Variants in GIGYF2 observed in about 807,000 individuals in gnomAD.
GIGYF2 encodes the protein GRB10 interacting GYF protein 2, also known as GRB10-interacting GYF protein 2.
In GIGYF2, 25 loss-of-function variants were observed where a neutral mutation model predicts 208.1. That is an observed-to-expected ratio of 0.12 (90% CI 0.09 to 0.17). GIGYF2 has a LOEUF of 0.17. Ranked by LOEUF, GIGYF2 falls within the 10% of genes least tolerant of loss-of-function variation. GIGYF2 has a pLI of 1.00. For missense variants in GIGYF2, 1,302 were observed against 1,579.4 expected (o/e 0.82, Z 2.98); for synonymous variants, 534 against 543.8 (o/e 0.98, Z 0.25).
chr2:232,832,496 A>G (rs1701451613), intron 21 of GIGYF2, among the ~76,000 whole-genome samples: 1 of 152,164 alleles, frequency 6.6e-6, no homozygotes, highest in Non-Finnish European at 1.5e-5. Flanking sequence ...CTTAAAAGGT[A>G]TTGGTAGCTC....
intron 25 of GIGYF2, 140 bp downstream of exon 25, chr2:232,844,714 T>TCAC: frequency 1.4e-6 from 1 of 693,676 alleles, no homozygotes; most frequent in Non-Finnish European, 2.6e-6. Context: ...GCACATGCAG[T>TCAC]CATAATTATG....
chr2:232,806,365 A>G lies in GIGYF2; in HGVS notation c.1640-126A>G. 1.3e-6 allele frequency: 1 copy of G among 756,800 alleles called. No homozygotes were observed. Among genetic ancestry groups the G allele is most frequent in the Non-Finnish European group, 2.4e-6 (1 of 418,598 alleles). The allele number at this position is 756,800 out of a possible 1,614,324, so 46.9% of individuals were successfully genotyped here. On this transcript the variant is annotated intron_variant, in intron 14 of 28. Transcript: ENST00000373563. This position sits in a 1 kb window ranked among gnomAD's most constrained non-coding sequence, Gnocchi z 4.0. ...GTTAGCTACCTTTAGAGGTGAATTA[A>G]ATTAGATAGTATAAAACATTTTGAC... is the stretch of plus-strand genomic sequence containing the variant.
In GIGYF2 at chr2:232,768,276, C is replaced by T. The variant is rs781665941; in HGVS notation, c.532+6840C>T. On this transcript the variant is annotated intron_variant, in intron 8 of 28. Coordinates refer to ENST00000373563, the MANE Select transcript of GIGYF2 (RefSeq NM_001103146.3). ...GATATCCAGGTCAGTCCTGTTTGGG[C>T]TTTTAGAAACCAGAGGAGTTGGAAA... is the stretch of plus-strand genomic sequence containing the variant. 1 of 1,614,092 alleles carries T rather than the reference C, an allele frequency of 6.2e-7. No homozygotes were observed.
chr2:232,769,670 A>G (rs927111198), intron 8 of GIGYF2, among the ~76,000 whole-genome samples: 3 of 152,136 alleles, frequency 2.0e-5, no homozygotes, highest in Non-Finnish European at 4.4e-5. Flanking sequence ...CCTAAGCTAT[A>G]TATAAGAGTT....
intron 2 of GIGYF2, among the ~76,000 whole-genome samples, chr2:232,709,616 C>T (rs1336355569): frequency 2.6e-5 from 4 of 152,120 alleles, no homozygotes; most frequent in African/African-American, 9.7e-5. Flanking sequence ...CAAGACCAGC[C>T]TGGCCAACAT....
At chr2:232,837,906 C>T (rs557571436) in intron 22 of GIGYF2, among the ~76,000 whole-genome samples, 7 of 152,136 alleles carry the variant, frequency 4.6e-5, no homozygotes, top group Non-Finnish European at 8.8e-5. Flanking sequence ...GCAATGTCAG[C>T]GCAGAACAAG....
intron 23 of GIGYF2, 59 bp downstream of exon 23, chr2:232,840,030 A>C: frequency 6.5e-7 from 1 of 1,531,022 alleles, no homozygotes. Context: ...TCTAGCATGC[A>C]TTATGGGTTA....
intron 2 of GIGYF2, among the ~76,000 whole-genome samples, chr2:232,715,795 T>C (rs6714245): frequency 0.34 from 50,821 of 150,224 alleles, 8,832 homozygotes; most frequent in South Asian, 0.62. Context: ...GTGTTTTCTG[T>C]TATAATAGAT....
chr2:232,842,635 G>A (rs927452992), intron 23 of GIGYF2, among the ~76,000 whole-genome samples: 5 of 152,122 alleles, frequency 3.3e-5, no homozygotes, highest in African/African-American at 1.2e-4. Flanking sequence ...TACAAATAAG[G>A]CACTCAGAAG....
intron 2 of GIGYF2, among the ~76,000 whole-genome samples, chr2:232,723,263 TC>T (rs1323281965): frequency 1.3e-5 from 2 of 152,192 alleles, no homozygotes; most frequent in Non-Finnish European, 1.5e-5. Flanking sequence ...CCCTAATACT[TC>T]CTGCCTTCTC....
chr2:232,738,716 G>A (rs1159202654), intron 3 of GIGYF2, among the ~76,000 whole-genome samples: 1 of 152,012 alleles, frequency 6.6e-6, no homozygotes, highest in African/African-American at 2.4e-5. Flanking sequence ...TTAATGTTTT[G>A]CTATTGTAAA....
chr2:232,777,518 A>C (rs1054734451), intron 8 of GIGYF2, among the ~76,000 whole-genome samples: 1 of 152,190 alleles, frequency 6.6e-6, no homozygotes, highest in African/African-American at 2.4e-5. Context: ...GATTGTTCAA[A>C]GTAAAATCTT....
chr2:232,819,081 T>C (rs1700998909), intron 20 of GIGYF2, among the ~76,000 whole-genome samples: 1 of 152,138 alleles, frequency 6.6e-6, no homozygotes, highest in African/African-American at 2.4e-5. Context: ...TCCACTCTTT[T>C]AATAGCCCCA....
intron 2 of GIGYF2, among the ~76,000 whole-genome samples, chr2:232,714,968 G>A (rs1696613534): frequency 6.6e-6 from 1 of 152,122 alleles, no homozygotes; most frequent in Admixed American, 6.5e-5. Context: ...CTCAGTGTGT[G>A]TGGTTTCCCT....
chr2:232,701,187 C>T (rs2106239367), intron 1 of GIGYF2, among the ~76,000 whole-genome samples: 1 of 152,128 alleles, frequency 6.6e-6, no homozygotes, highest in East Asian at 2.0e-4. Flanking sequence ...CAAAGTATTA[C>T]ATACTTCCCT....
At chr2:232,717,683 T>C (rs1220492892) in intron 2 of GIGYF2, among the ~76,000 whole-genome samples, 1 of 152,052 alleles carries the variant, frequency 6.6e-6, no homozygotes, top group Non-Finnish European at 1.5e-5. Context: ...TTCAGGCTGC[T>C]TACACTCATA....
chr2:232,735,051 A>G (rs1574818521), intron 2 of GIGYF2, 104 bp from the exon 3 acceptor site: 2 of 649,570 alleles, frequency 3.1e-6, no homozygotes, highest in South Asian at 1.9e-5. Context: ...TTGTGACTCT[A>G]GTTGAGAGGA....
rs755084616 is a variant in GIGYF2, at chr2:232,847,529, GCAGCAGCCGCCACAGCAGCCGCCA to G, written c.3651_3674del (p.Pro1218_Pro1225del). On this transcript the variant is annotated inframe_deletion, in exon 27 of 29. Transcript: ENST00000373563. ...AGCAGCAGCTGCCACAGCAGCAGCAGCAGCAGCCGCCACAGCAGCCGCCACAGCAGCCACAACAGCAGGTATAAA... is the reference window on the plus strand; with the variant it reads ...AGCAGCAGCTGCCACAGCAGCAGCAGCAGCAGCCACAACAGCAGGTATAAA... 1 of 1,607,118 alleles carries G rather than the reference GCAGCAGCCGCCACAGCAGCCGCCA, an allele frequency of 6.2e-7. No homozygotes were observed. The highest frequency in any genetic ancestry group is 8.5e-7 in the Non-Finnish European group (1 of 1,177,266).
At chr2:232,855,080 C>CTTTTTTTTTT (rs201395041) in intron 28 of GIGYF2, among the ~76,000 whole-genome samples, 165 of 109,134 alleles carry the variant, frequency 1.5e-3, no homozygotes, top group Middle Eastern at 0.01. Context: ...CTTTTTCTTT[C>CTTTTTTTTTT]TTTTTTTTTT....
Sources: allele counts gnomAD v4.1 joint callset (sites outside exome capture counted in the v4.1 genomes callset), GRCh38; gene constraint gnomAD v4.1.1; non-coding constraint Gnocchi (gnomAD v3.1); transcripts MANE v1.5; gene names NCBI Gene and HGNC (gene_info 2026-07-23, HGNC 2026-07-21).